The following DIS3L2 variants were observed in gnomAD, a reference collection of about 807,000 sequenced individuals.
DIS3L2 encodes DIS3-like exonuclease 2.
A neutral mutation model predicts 97.5 loss-of-function variants in DIS3L2; 34 were observed. The observed-to-expected ratio is 0.35, with a 90% CI of 0.27 to 0.46. The LOEUF (loss-of-function observed/expected upper bound fraction) is 0.46, where lower values mean the gene tolerates loss of function less well. DIS3L2 is among the 20% of genes least tolerant of loss of function. The pLI is 1.00. For missense variants in DIS3L2, 1,038 were observed against 1,146.0 expected, an observed-to-expected ratio of 0.91 and a Z score of 1.36; for synonymous variants, 435 against 445.2, an observed-to-expected ratio of 0.98 and a Z score of 0.29.
chr2:231,980,043 T>G (rs759871207), intron 1 of DIS3L2, among the ~76,000 whole-genome samples: 1 of 152,190 alleles, frequency 6.6e-6, no homozygotes. Flanking sequence ...CTTTGCCAAT[T>G]TCCAGTTGAA....
chr2:232,251,229 C>A (rs1259837377), intron 12 of DIS3L2, among the ~76,000 whole-genome samples: 1 of 151,896 alleles, frequency 6.6e-6, no homozygotes, highest in Non-Finnish European at 1.5e-5. Flanking sequence ...GTAACTAGAA[C>A]AAAACACACT....
chr2:232,044,645 G>A (rs1040379313), intron 5 of DIS3L2, among the ~76,000 whole-genome samples: 1 of 152,176 alleles, frequency 6.6e-6, no homozygotes, highest in East Asian at 1.9e-4. Flanking sequence ...TTGGCTAGAG[G>A]TAGAGATTTG....
chr2:232,250,945 A>G (rs1432450178), intron 12 of DIS3L2, among the ~76,000 whole-genome samples: 1 of 152,224 alleles, frequency 6.6e-6, no homozygotes, highest in Non-Finnish European at 1.5e-5. Flanking sequence ...TCCCTACAGT[A>G]AAGCTTACAG....
intron 5 of DIS3L2, among the ~76,000 whole-genome samples, chr2:232,069,733 A>T (rs144571634): frequency 0.011 from 1,609 of 152,306 alleles, 27 homozygotes; most frequent in African/African-American, 0.036. Flanking sequence ...AGCTACTGGT[A>T]TCCTTGCATC....
chr2:232,231,871 T>C (rs1692802590), intron 10 of DIS3L2, among the ~76,000 whole-genome samples: 1 of 152,126 alleles, frequency 6.6e-6, no homozygotes, highest in Non-Finnish European at 1.5e-5. Context: ...CCGCATGTAG[T>C]AAATGGGGGT....
At chr2:232,005,191 T>TA (rs1553600476) in intron 1 of DIS3L2, among the ~76,000 whole-genome samples, 2,317 of 143,678 alleles carry the variant, frequency 0.016, 135 homozygotes, top group African/African-American at 0.059. Flanking sequence ...TTTTTTTTTT[T>TA]ATTTCACTAG....
intron 9 of DIS3L2, among the ~76,000 whole-genome samples, chr2:232,175,637 G>A (rs1574927131): frequency 6.6e-6 from 1 of 151,864 alleles, no homozygotes; most frequent in South Asian, 2.1e-4. Flanking sequence ...TGAGTAAATT[G>A]CATGTCTCTA....
At chr2:232,057,671 A>C (rs150708816) in intron 5 of DIS3L2, among the ~76,000 whole-genome samples, 70 of 152,294 alleles carry the variant, frequency 4.6e-4, no homozygotes, top group African/African-American at 1.5e-3. Context: ...GCTGACAAAC[A>C]TCTTGATTAC....
chr2:232,033,549 G>A (rs549999689), intron 5 of DIS3L2, among the ~76,000 whole-genome samples: 1 of 152,166 alleles, frequency 6.6e-6, no homozygotes, highest in South Asian at 2.1e-4. Context: ...GTCTTGTGCC[G>A]GTTTTCAAAG....
chr2:231,983,977 A>G (rs2106182062), intron 1 of DIS3L2, among the ~76,000 whole-genome samples: 1 of 151,960 alleles, frequency 6.6e-6, no homozygotes, highest in South Asian at 2.1e-4. Context: ...TTATTGGGAT[A>G]TAATAAAAAG....
chr2:232,100,357 A>C (rs1697161304), intron 6 of DIS3L2, among the ~76,000 whole-genome samples: 1 of 151,002 alleles, frequency 6.6e-6, no homozygotes, highest in Admixed American at 6.6e-5. Flanking sequence ...TCTATTGTTG[A>C]TGTTTTGTGT....
intron 11 of DIS3L2, among the ~76,000 whole-genome samples, chr2:232,240,781 G>A (rs1693059019): frequency 6.6e-6 from 1 of 152,194 alleles, no homozygotes; most frequent in Non-Finnish European, 1.5e-5. Flanking sequence ...TTGAGTACAT[G>A]GGGCTTCCTC....
In DIS3L2 at chr2:232,024,323, C is replaced by T. The variant is rs751230116; in HGVS notation, c.257C>T (p.Pro86Leu). ...AAGAAGTTTCATGAAGCCTTCATTC[C>T]TTCCCCGGTAAGTTCAATAAATTTA... ...NPKKFHEAFI[P>L]SPDGDRDIFI... Residue 86 changes from proline (P) to leucine (L), a missense_variant, in exon 4 of 21, where the codon CCT becomes CTT. Transcript: ENST00000325385. 4 of 1,599,558 alleles carry T rather than the reference C, an allele frequency of 2.5e-6. No homozygotes were observed. Among genetic ancestry groups the T allele is most frequent in the Non-Finnish European group, 3.4e-6 (4 of 1,173,232 alleles).
intron 5 of DIS3L2, among the ~76,000 whole-genome samples, chr2:232,067,048 G>T (rs1281505045): frequency 1.3e-5 from 2 of 151,748 alleles, no homozygotes; most frequent in Non-Finnish European, 2.9e-5. Context: ...TATCATTCTA[G>T]TGGAAGATTT....
chr2:231,967,083 A>C (rs1385668111), intron 1 of DIS3L2, among the ~76,000 whole-genome samples: 1 of 152,148 alleles, frequency 6.6e-6, no homozygotes, highest in Non-Finnish European at 1.5e-5. Flanking sequence ...CAGATGAGAC[A>C]CTGGTCACAC....
At chr2:232,314,897 G>A (rs1695228236) in intron 14 of DIS3L2, among the ~76,000 whole-genome samples, 1 of 151,810 alleles carries the variant, frequency 6.6e-6, no homozygotes, top group African/African-American at 2.4e-5. Flanking sequence ...GACCATTTTT[G>A]TTTTCCGTAT....
chr2:232,288,599 C>CGAGGA (rs1442641468), intron 13 of DIS3L2, among the ~76,000 whole-genome samples: 4 of 152,246 alleles, frequency 2.6e-5, no homozygotes, highest in African/African-American at 9.6e-5. Flanking sequence ...AACTCCCCGA[C>CGAGGA]TCCTCAAGTC....
rs1350538479 is a variant in DIS3L2, at chr2:232,330,756, A to G, written c.1990A>G (p.Met664Val). Residue 664 changes from methionine (M) to valine (V), a missense_variant, in exon 16 of 21, where the codon ATG becomes GTG. Coordinates refer to ENST00000325385, the MANE Select transcript of DIS3L2 (RefSeq NM_152383.5). Reference sequence around the variant, plus strand: ...GGCCCGCAAGGAGGTGCTCACCAACATGTGCTCCCGGCCCATGCAGGTAAG... The same window carrying G: ...GGCCCGCAAGGAGGTGCTCACCAACGTGTGCTCCCGGCCCATGCAGGTAAG... ...SLARKEVLTN[M>V]CSRPMQMALY... 6.2e-7 allele frequency: 1 copy of G among 1,612,468 alleles called. No homozygotes were observed. The highest frequency in any genetic ancestry group is 1.7e-5 in the Admixed American group (1 of 60,030).
chr2:232,047,527 A>G (rs1695275017), intron 5 of DIS3L2, among the ~76,000 whole-genome samples: 1 of 152,238 alleles, frequency 6.6e-6, no homozygotes, highest in Non-Finnish European at 1.5e-5. Flanking sequence ...TGGTTAGATT[A>G]TGCCAAAAAT....
Sources: gnomAD v4.1 joint callset for allele counts (sites outside exome capture counted in the v4.1 genomes callset) on GRCh38, gnomAD v4.1.1 for gene constraint, MANE v1.5 for transcripts, NCBI Gene and HGNC (gene_info 2026-07-23, HGNC 2026-07-21) for gene names.